CTNNA3: variants seen among roughly 807,000 people sequenced by gnomAD.
CTNNA3 encodes catenin alpha-3.
CTNNA3 carries 76 observed loss-of-function variants against 95.7 expected under a neutral mutation model. The observed-to-expected ratio is 0.79, with a 90% CI of 0.66 to 0.96. The LOEUF is 0.96. CTNNA3 is among the 40% of genes least tolerant of loss of function. CTNNA3 has a pLI of 0.00. For synonymous variants in CTNNA3, 431 were observed against 374.4 expected (o/e 1.15, Z -1.74); for missense variants, 1,191 against 1,089.8 (o/e 1.09, Z -1.31).
chr10:67,184,307 C>T (rs1052530411), intron 6 of CTNNA3, among the ~76,000 whole-genome samples: 12 of 152,166 alleles, frequency 7.9e-5, no homozygotes, highest in Non-Finnish European at 1.6e-4. Context: ...GTAGCCATTG[C>T]TTTGACTGTG....
chr10:66,665,147 C>A (rs1292603252), intron 9 of CTNNA3, among the ~76,000 whole-genome samples: 1 of 152,114 alleles, frequency 6.6e-6, no homozygotes, highest in Non-Finnish European at 1.5e-5. Context: ...TATCATGGTG[C>A]CCTCTCCCAG....
rs770268115 is a variant in CTNNA3, at chr10:67,180,385, G to T, written c.979C>A (p.Arg327=). ...SSCTRDLHRE[R]IIAECNAIRQ... ...ATGGCGTTGCATTCTGCGATAATCC[G>T]CTCTCGGTGTAAGTCCCTCGTACAT... The change falls in exon 7 of 18, where the codon CGG becomes AGG. Residue 327 remains arginine (R), a synonymous_variant. Transcript: ENST00000433211. 6 of 1,613,742 alleles carry T rather than the reference G, an allele frequency of 3.7e-6. No homozygotes were observed. The highest frequency in any genetic ancestry group is 5.1e-6 in the Non-Finnish European group (6 of 1,179,878).
At chr10:65,986,862 A>C (rs1226638872) in intron 16 of CTNNA3, among the ~76,000 whole-genome samples, 1 of 151,812 alleles carries the variant, frequency 6.6e-6, no homozygotes, top group Non-Finnish European at 1.5e-5. Flanking sequence ...TAAAAAAAAA[A>C]ACCACATAGA....
At chr10:66,033,181 A>G (rs2079484988) in intron 15 of CTNNA3, among the ~76,000 whole-genome samples, 1 of 136,424 alleles carries the variant, frequency 7.3e-6, no homozygotes, top group African/African-American at 2.8e-5. Context: ...CCCAGGCTGG[A>G]GTGCAGTGGC....
At chr10:66,408,652 T>C (rs1368616192) in intron 11 of CTNNA3, among the ~76,000 whole-genome samples, 1 of 152,200 alleles carries the variant, frequency 6.6e-6, no homozygotes, top group African/African-American at 2.4e-5. Context: ...TTTCCATTTA[T>C]TCTTTCAATA....
chr10:67,175,379 A>G (rs901199700), intron 7 of CTNNA3, among the ~76,000 whole-genome samples: 17 of 152,178 alleles, frequency 1.1e-4, no homozygotes, highest in African/African-American at 4.1e-4. Flanking sequence ...GAAAAATCCC[A>G]TAACATCTCT....
At chr10:67,762,805 T>C (rs1212263924) in intron 1 of CTNNA3, among the ~76,000 whole-genome samples, 1 of 152,224 alleles carries the variant, frequency 6.6e-6, no homozygotes, top group East Asian at 1.9e-4. Context: ...TTATGTTATC[T>C]ACAGATTAGG....
chr10:66,961,687 T>G (rs969847182), intron 7 of CTNNA3, among the ~76,000 whole-genome samples: 1 of 152,154 alleles, frequency 6.6e-6, no homozygotes, highest in African/African-American at 2.4e-5. Flanking sequence ...AATTCTAGAT[T>G]TGTATATCCT....
chr10:66,043,956 C>CTGTGTGTGTGTGTGTGTGTGTGTG (rs59559225), intron 15 of CTNNA3, among the ~76,000 whole-genome samples: 11 of 144,378 alleles, frequency 7.6e-5, no homozygotes, highest in Admixed American at 2.1e-4. Flanking sequence ...TAGGACTATG[C>CTGTGTGTGTGTGTGTGTGTGTGTG]TGTGTGTGTG....
In CTNNA3 at chr10:67,261,303, G is replaced by C. The variant is rs1392731578; in HGVS notation, c.580-41433C>G. 2.0e-5 allele frequency among the ~76,000 whole-genome samples: 3 copies of C among 152,076 alleles called. 1 individual carries two copies. The South Asian group carries it at 6.2e-4, about 32-fold the overall frequency. On this transcript the variant is annotated intron_variant, in intron 5 of 17. Coordinates refer to ENST00000433211, the MANE Select transcript of CTNNA3 (RefSeq NM_013266.4). The stretch of plus-strand genomic sequence containing the variant: ...CAAAGCCAAGCCTTAAAATCAAGAG[G>C]GACAGAAGTGCTCAGCAAACCACCT...
chr10:67,222,252 A>C (rs1313418435), intron 5 of CTNNA3, among the ~76,000 whole-genome samples: 1 of 152,178 alleles, frequency 6.6e-6, no homozygotes, highest in Non-Finnish European at 1.5e-5. Context: ...CTATCAACCC[A>C]CTGTTCATAG....
At chr10:67,467,884 T>C (rs1847659556) in intron 5 of CTNNA3, among the ~76,000 whole-genome samples, 2 of 151,824 alleles carry the variant, frequency 1.3e-5, no homozygotes, top group African/African-American at 4.8e-5. Flanking sequence ...CTAATTTTTG[T>C]ATTTTTTGTA....
intron 13 of CTNNA3, among the ~76,000 whole-genome samples, chr10:66,130,452 A>T (rs1338208453): frequency 6.6e-6 from 1 of 152,006 alleles, no homozygotes. Flanking sequence ...AAAATTAATA[A>T]GATAAACTGC....
intron 11 of CTNNA3, among the ~76,000 whole-genome samples, chr10:66,450,692 G>T (rs1287025924): frequency 6.6e-6 from 1 of 152,040 alleles, no homozygotes; most frequent in Non-Finnish European, 1.5e-5. Flanking sequence ...AGAAAATTGT[G>T]CTAAACTTTA....
chr10:67,574,390 T>A (rs986864861), intron 3 of CTNNA3, among the ~76,000 whole-genome samples: 9 of 152,134 alleles, frequency 5.9e-5, no homozygotes, highest in Non-Finnish European at 1.2e-4. Context: ...ATTTGAATTA[T>A]TTTTTGTTTT....
chr10:66,548,540 T>A (rs541531669), intron 10 of CTNNA3, among the ~76,000 whole-genome samples: 3 of 152,170 alleles, frequency 2.0e-5, no homozygotes, highest in African/African-American at 7.2e-5. Context: ...GTATCATTAT[T>A]CCATTAGATG....
At chr10:66,072,109 T>C (rs1463867974) in intron 14 of CTNNA3, among the ~76,000 whole-genome samples, 1 of 152,226 alleles carries the variant, frequency 6.6e-6, no homozygotes, top group Non-Finnish European at 1.5e-5. Context: ...AACAAATCAG[T>C]GTGTCTCTGT....
intron 13 of CTNNA3, among the ~76,000 whole-genome samples, chr10:66,201,583 T>C (rs989378500): frequency 6.6e-6 from 1 of 152,126 alleles, no homozygotes; most frequent in Non-Finnish European, 1.5e-5. Context: ...AGCCACGTGA[T>C]GTTACTTCTT....
At chr10:66,914,666 C>G (rs1313498632) in intron 7 of CTNNA3, among the ~76,000 whole-genome samples, 1 of 151,896 alleles carries the variant, frequency 6.6e-6, no homozygotes, top group Non-Finnish European at 1.5e-5. Flanking sequence ...ATGGAGCTAA[C>G]CAATATGATC....
Sources: gnomAD v4.1 joint callset for allele counts (sites outside exome capture counted in the v4.1 genomes callset) on GRCh38, gnomAD v4.1.1 for gene constraint, MANE v1.5 for transcripts, NCBI Gene and HGNC (gene_info 2026-07-23, HGNC 2026-07-21) for gene names.